Variants in KRT86 observed in about 807,000 individuals in gnomAD.
KRT86 encodes the protein keratin 86.
Under a neutral mutation model 41.2 loss-of-function variants are expected in KRT86, and 30 were observed. The ratio of observed to expected loss-of-function variants is 0.73; its 90% CI spans 0.54 to 0.99. KRT86 has a LOEUF of 0.99. KRT86 is among the 50% of genes least tolerant of loss of function. KRT86 has a pLI of 0.00. For synonymous variants in KRT86, 238 were observed against 238.1 expected, an observed-to-expected ratio of 1.00 and a Z score of 0.00; for missense variants, 561 against 571.4, an observed-to-expected ratio of 0.98 and a Z score of 0.19.
intron 2 of KRT86, among the ~76,000 whole-genome samples, chr12:52,301,170 G>T (rs1027668554): frequency 3.3e-5 from 5 of 151,818 alleles, no homozygotes; most frequent in African/African-American, 9.7e-5. Context: ...AGAGAGAGGG[G>T]GGGTTGTGAG....
rs527472581 is a variant in KRT86, at chr12:52,285,258, G to A, written c.-5+9312G>A. On this transcript the variant is annotated intron_variant, in intron 2 of 10. Coordinates refer to ENST00000423955, the MANE Select transcript of KRT86 (RefSeq NM_001320198.2). ...GGCCCAGGCAGTCTGGCTGGAGTCC[G>A]TGTCCCCCCTCTATGCCACATCATC... is the stretch of plus-strand genomic sequence containing the variant. Among the ~76,000 whole-genome samples, 45 of 152,094 alleles carry A rather than the reference G, an allele frequency of 3.0e-4. No homozygotes were observed. In the South Asian group the frequency reaches 6.6e-3, roughly 22 times the overall value.
At chr12:52,297,431 G>A (rs1357536452) in intron 2 of KRT86, among the ~76,000 whole-genome samples, 1 of 152,150 alleles carries the variant, frequency 6.6e-6, no homozygotes, top group Non-Finnish European at 1.5e-5. Flanking sequence ...GGAAATATCA[G>A]TCACAAAATC....
intron 2 of KRT86, among the ~76,000 whole-genome samples, chr12:52,281,419 G>C (rs1173842511): frequency 6.6e-6 from 1 of 152,258 alleles, no homozygotes; most frequent in Non-Finnish European, 1.5e-5. Context: ...CCACAGAGTA[G>C]ATGTGATGGG....
In KRT86 at chr12:52,308,845, G is replaced by T; in HGVS notation, c.*260G>T. 1 of 520,216 alleles carries T rather than the reference G, an allele frequency of 1.9e-6. No individual in the cohort carries two copies. Among genetic ancestry groups the T allele is most frequent in the South Asian group, 2.2e-5 (1 of 45,764 alleles). 32.2% of individuals were successfully genotyped at this position (520,216 alleles called of 1,614,324 possible). A position where few individuals can be genotyped will look rare whatever the true frequency, so the allele number is the denominator to read the frequency against. On this transcript the variant is annotated 3_prime_UTR_variant, in exon 11 of 11. Transcript: ENST00000423955. ...TCCCGAGGATTCATCTTTTTCTTCC[G>T]CCTGCCTTCTGTTTTTTTTGCTGTA...
intron 2 of KRT86, chr12:52,288,062 G>A (rs1467602598): frequency 1.9e-6 from 3 of 1,614,102 alleles, no homozygotes; most frequent in Non-Finnish European, 2.5e-6. Context: ...TCTCGGCAAT[G>A]ATGCAGTCCA....
rs111382015 is a variant in KRT86 at position 52,287,122 on chromosome 12, C to G, written c.-5+11176C>G. On this transcript the variant is annotated intron_variant, in intron 2 of 10. Coordinates refer to ENST00000423955, the MANE Select transcript of KRT86 (RefSeq NM_001320198.2). ...CCCACCTCTGCTCCTCGCCCTCCAG[C>G]AGGCGCCTGTAGGTGGCGATCTCGA... The G allele has an allele frequency of 1.7e-5, 27 of 1,613,066 alleles. No homozygotes were observed. The African/African-American group carries it at 1.9e-4, about 11-fold the overall frequency.
intron 2 of KRT86, among the ~76,000 whole-genome samples, chr12:52,279,307 C>T (rs1437847088): frequency 6.6e-6 from 1 of 152,228 alleles, no homozygotes. Context: ...TCAGATGCCC[C>T]CTCCCATAGA....
rs2121323582 is a variant in KRT86 at position 52,308,651 on chromosome 12, A to G, written c.*66A>G. On this transcript the variant is annotated 3_prime_UTR_variant, in exon 11 of 11. Transcript: ENST00000423955. ...CACCCAGCCAGTACCTCGCGCCACC[A>G]GAACGCGCCGCCCGCGCCGGCCTCC... 6.6e-7 allele frequency: 1 copy of G among 1,506,776 alleles called. No individual in the cohort carries two copies. The highest frequency in any genetic ancestry group is 9.0e-7 in the Non-Finnish European group (1 of 1,109,760). 93.3% of individuals were successfully genotyped at this position (1,506,776 alleles called of 1,614,324 possible).
rs549503206 is a variant in KRT86, at chr12:52,283,821, G to A, written c.-5+7875G>A. Among the ~76,000 whole-genome samples the A allele has an allele frequency of 4.0e-5, 6 of 151,360 alleles. 2 individuals carry two copies. Among genetic ancestry groups the A allele is most frequent in the African/African-American group, 1.5e-4 (6 of 41,272 alleles). On this transcript the variant is annotated intron_variant, in intron 2 of 10. Transcript: ENST00000423955. ...ATTAGCAGATACACTAAGGCCCAGA[G>A]ATGGGAGGTGACTTGCTAAAGGTCA... is the stretch of plus-strand genomic sequence containing the variant.
intron 9 of KRT86, chr12:52,306,868 G>C (rs987648618): frequency 6.1e-6 from 1 of 164,840 alleles, no homozygotes; most frequent in Non-Finnish European, 1.3e-5. Context: ...CTTCAGAGGT[G>C]GGGGGAGTGG....
At chr12:52,285,545 T>G (rs964699276) in intron 2 of KRT86, among the ~76,000 whole-genome samples, 2 of 152,212 alleles carry the variant, frequency 1.3e-5, no homozygotes, top group African/African-American at 4.8e-5. Flanking sequence ...TCCATCAGTT[T>G]GCAGATATGC....
chr12:52,308,362 G>T, intron 10 of KRT86, 42 bp from the exon 11 acceptor site: 1 of 1,611,584 alleles, frequency 6.2e-7, no homozygotes. Flanking sequence ...CACCCAGGTC[G>T]CGGCTGCGCC....
Position 52,302,221 on chromosome 12 carries a change from T to C in KRT86, c.305T>C (p.Val102Ala), listed in dbSNP as rs768877244. Residue 102 changes from valine (V) to alanine (A), a missense_variant, in exon 3 of 11, where the codon GTG becomes GCG. Val to Ala is a moderately conservative substitution (Grantham distance 64). This residue lies in a region of KRT86 where 164 missense variants were observed against 172.5 expected (regional missense o/e 0.95). Transcript: ENST00000423955. ...GAGATCGACCCCAACGCGCAGTGCG[T>C]GAAGCAGGAGGAGAAGGAGCAGATC... The part of the protein sequence containing the change: ...NLEIDPNAQC[V>A]KQEEKEQIKS... The C allele has an allele frequency of 2.7e-6, 3 of 1,127,206 alleles. No homozygotes were observed. The highest frequency in any genetic ancestry group is 2.5e-6 in the Non-Finnish European group (2 of 808,912). The allele number at this position is 1,127,206 out of a possible 1,614,324, so 69.8% of individuals were successfully genotyped here.
chr12:52,295,469 A>G (rs1938227672), intron 2 of KRT86, among the ~76,000 whole-genome samples: 1 of 152,176 alleles, frequency 6.6e-6, no homozygotes, highest in African/African-American at 2.4e-5. Context: ...GCCATCAGTA[A>G]TAAGTATCAC....
At chr12:52,275,295 C>T (rs984008418) in intron 1 of KRT86, among the ~76,000 whole-genome samples, 1 of 152,204 alleles carries the variant, frequency 6.6e-6, no homozygotes, top group African/African-American at 2.4e-5. Flanking sequence ...CTTCCCATAG[C>T]AGCCTTGGGT....
chr12:52,304,842 C>T (rs1032697091), intron 5 of KRT86, 90 bp from the exon 6 acceptor site: 38 of 1,439,700 alleles, frequency 2.6e-5, no homozygotes, highest in African/African-American at 4.2e-5. Flanking sequence ...GACTCCTTTC[C>T]CCAGGCTTCA....
At chr12:52,281,622 G>A (rs901125709) in intron 2 of KRT86, among the ~76,000 whole-genome samples, 2 of 152,194 alleles carry the variant, frequency 1.3e-5, no homozygotes, top group Non-Finnish European at 2.9e-5. Context: ...GAAGGGCCTT[G>A]ATCCTGTTCC....
At position 52,308,448 on chromosome 12, in the gene KRT86, G is replaced by A. The variant is rs760323015; in HGVS notation, c.1324G>A (p.Ala442Thr). 1.9e-6 allele frequency: 3 copies of A among 1,611,772 alleles called. No individual in the cohort carries two copies. Among genetic ancestry groups the A allele is most frequent in the South Asian group, 2.2e-5 (2 of 91,046 alleles). ...RGGVVCGDLC[A>T]STTAPVVSTR... ...TGGCGTTGTCTGTGGCGATCTCTGC[G>A]CCTCCACTACTGCCCCTGTTGTCTC... The change falls in exon 11 of 11, where the codon GCC becomes ACC. Residue 442 changes from alanine (A) to threonine (T), a missense_variant. Around this residue, in one of 3 missense-constraint regions of KRT86, gnomAD observed 397 missense variants for 375.9 expected, o/e 1.06. Transcript: ENST00000423955.
chr12:52,285,838 G>A lies in KRT86; in HGVS notation c.-5+9892G>A, dbSNP rs1014535147. On this transcript the variant is annotated intron_variant, in intron 2 of 10. Transcript: ENST00000423955. ...GAGACCCTTGGCTTGGCCTTTTGCT[G>A]CTCCATGTGACTTTGGGGACCCTCC... The A allele has an allele frequency of 7.0e-5, 18 of 258,172 alleles. No individual in the cohort carries two copies. The South Asian group carries it at 8.0e-4, about 11-fold the overall frequency. 16.0% of individuals were successfully genotyped at this position (258,172 alleles called of 1,614,324 possible).
Sources: allele counts gnomAD v4.1 joint callset (sites outside exome capture counted in the v4.1 genomes callset), GRCh38; gene constraint gnomAD v4.1.1; regional missense constraint gnomAD v4.1.1; transcripts MANE v1.5; gene names NCBI Gene and HGNC (gene_info 2026-07-23, HGNC 2026-07-21).